Variants in TMTC2 observed in about 807,000 individuals in gnomAD.
TMTC2 encodes transmembrane O-mannosyltransferase targeting cadherins 2.
TMTC2 carries 43 observed loss-of-function variants against 82.4 expected under a neutral mutation model. The ratio of observed to expected loss-of-function variants is 0.52; its 90% CI spans 0.41 to 0.67. The LOEUF is 0.67. TMTC2 is among the 30% of genes least tolerant of loss of function. The probability of loss-of-function intolerance (pLI) is 0.00; values close to 1 mark genes in which losing one functional copy is unlikely to be tolerated. For missense variants in TMTC2, 919 were observed against 1,012.4 expected (o/e 0.91, Z 1.25); for synonymous variants, 408 against 381.9 (o/e 1.07, Z -0.80).
intron 11 of TMTC2, among the ~76,000 whole-genome samples, chr12:83,118,230 G>A (rs187021310): frequency 1.3e-5 from 2 of 152,166 alleles, no homozygotes; most frequent in Non-Finnish European, 2.9e-5. Context: ...GTGAGAGTTG[G>A]TGTCCTTGTC....
intron 11 of TMTC2, among the ~76,000 whole-genome samples, chr12:83,105,314 G>A (rs1385266603): frequency 6.6e-6 from 1 of 152,050 alleles, no homozygotes; most frequent in East Asian, 1.9e-4. Flanking sequence ...CTTTATAGCA[G>A]TGCCCCATTC....
intron 7 of TMTC2, among the ~76,000 whole-genome samples, chr12:82,973,117 C>A (rs1437874653): frequency 6.6e-6 from 1 of 152,156 alleles, no homozygotes; most frequent in Non-Finnish European, 1.5e-5. Flanking sequence ...AGCATTAACA[C>A]TCCAGTAGCG....
intron 2 of TMTC2, among the ~76,000 whole-genome samples, chr12:82,865,400 A>G (rs1321774029): frequency 6.6e-6 from 1 of 152,228 alleles, no homozygotes; most frequent in African/African-American, 2.4e-5. Flanking sequence ...AACAAAGATC[A>G]AAAGAGACAA....
chr12:83,060,956 G>A (rs1460307137), intron 10 of TMTC2, among the ~76,000 whole-genome samples: 2 of 151,752 alleles, frequency 1.3e-5, no homozygotes, highest in Non-Finnish European at 2.9e-5. Context: ...GAAACTGACT[G>A]TAGCTATTTG....
chr12:82,912,198 G>T (rs1227916363), intron 3 of TMTC2, among the ~76,000 whole-genome samples: 1 of 152,170 alleles, frequency 6.6e-6, no homozygotes, highest in Non-Finnish European at 1.5e-5. Flanking sequence ...GACATTTTAA[G>T]TGTAGAAAGA....
chr12:82,802,245 G>A (rs968817063), intron 1 of TMTC2, among the ~76,000 whole-genome samples: 5 of 152,172 alleles, frequency 3.3e-5, no homozygotes, highest in African/African-American at 7.2e-5. Context: ...TGCTGGGGGC[G>A]GCAGGGCCCG....
chr12:83,118,412 G>A (rs182933480), intron 11 of TMTC2, among the ~76,000 whole-genome samples: 38 of 152,202 alleles, frequency 2.5e-4, no homozygotes, highest in African/African-American at 8.4e-4. Context: ...TGCTTTTTCG[G>A]CATCTATTAA....
Position 83,004,722 on chromosome 12 carries a change from A to ATTTTTTTTTTTTTTTTTT in TMTC2, c.2070+18704_2070+18721dup, listed in dbSNP as rs528076999. Among the ~76,000 whole-genome samples, 8 of 36,032 alleles carry ATTTTTTTTTTTTTTTTTT rather than the reference A, an allele frequency of 2.2e-4. 3 individuals are homozygous for ATTTTTTTTTTTTTTTTTT. Among genetic ancestry groups the ATTTTTTTTTTTTTTTTTT allele is most frequent in the Non-Finnish European group, 4.2e-4 (8 of 18,964 alleles). 23.6% of individuals were successfully genotyped at this position (36,032 alleles called of 152,430 possible). On this transcript the variant is annotated intron_variant, in intron 8 of 11. Transcript: ENST00000321196. ...TTCACAGGCAGTGTATACTGGCCGA[A>ATTTTTTTTTTTTTTTTTT]TTTTTTTTTTTTTTTTTTTTTTTTT...
chr12:82,992,241 A>G (rs1879433807), intron 8 of TMTC2, among the ~76,000 whole-genome samples: 1 of 152,134 alleles, frequency 6.6e-6, no homozygotes, highest in African/African-American at 2.4e-5. Flanking sequence ...GCCTTTTGCT[A>G]TTATTATTTA....
At chr12:83,001,835 A>C (rs769733796) in intron 8 of TMTC2, among the ~76,000 whole-genome samples, 3 of 152,020 alleles carry the variant, frequency 2.0e-5, no homozygotes, top group Admixed American at 6.5e-5. Context: ...CCTCAGCCTT[A>C]ATTTCATTAT....
intron 8 of TMTC2, among the ~76,000 whole-genome samples, chr12:83,020,413 GTCTGAAAA>G (rs1231317228): frequency 6.6e-6 from 1 of 152,118 alleles, no homozygotes; most frequent in Non-Finnish European, 1.5e-5. Flanking sequence ...TAATTCTAAA[GTCTGAAAA>G]CAGCATATTT....
At chr12:82,741,876 TC>T (rs1248569693) in intron 1 of TMTC2, among the ~76,000 whole-genome samples, 2 of 152,098 alleles carry the variant, frequency 1.3e-5, no homozygotes, top group African/African-American at 2.4e-5. Flanking sequence ...TCTTATTTGT[TC>T]CTGTGGCTGG....
chr12:82,903,573 A>G (rs975169270), intron 3 of TMTC2, among the ~76,000 whole-genome samples: 12 of 151,854 alleles, frequency 7.9e-5, no homozygotes, highest in African/African-American at 2.2e-4. Context: ...CACCACGCCC[A>G]GCTAATTTTT....
At chr12:82,708,424 T>G (rs909884741) in intron 1 of TMTC2, among the ~76,000 whole-genome samples, 3 of 152,148 alleles carry the variant, frequency 2.0e-5, no homozygotes, top group African/African-American at 7.2e-5. Flanking sequence ...GCACTATCTG[T>G]GACTTTTGCA....
chr12:82,949,894 G>C (rs1877252735), intron 4 of TMTC2, among the ~76,000 whole-genome samples: 1 of 152,178 alleles, frequency 6.6e-6, no homozygotes, highest in South Asian at 2.1e-4. Flanking sequence ...TATTGGTTGT[G>C]ATGCATTTCT....
At chr12:82,819,917 G>A (rs994767626) in intron 1 of TMTC2, among the ~76,000 whole-genome samples, 4 of 152,122 alleles carry the variant, frequency 2.6e-5, no homozygotes, top group Non-Finnish European at 1.5e-5. Flanking sequence ...CAATCACAAG[G>A]TGAGGTCCCA....
At chr12:83,079,412 A>G (rs1417791724) in intron 11 of TMTC2, among the ~76,000 whole-genome samples, 1 of 152,190 alleles carries the variant, frequency 6.6e-6, no homozygotes, top group East Asian at 1.9e-4. Flanking sequence ...TTTTAAATAG[A>G]TAGTGCATTT....
chr12:82,785,850 T>G (rs1878154528), intron 1 of TMTC2, among the ~76,000 whole-genome samples: 1 of 152,144 alleles, frequency 6.6e-6, no homozygotes, highest in South Asian at 2.1e-4. Context: ...TCTGCAGATA[T>G]TTGTTAAATA....
At chr12:83,004,722 ATTTTTTTTTTTTTTTTTTTTTTTTTTTTT>A (rs528076999) in intron 8 of TMTC2, among the ~76,000 whole-genome samples, 69 of 36,038 alleles carry the variant, frequency 1.9e-3, no homozygotes, top group African/African-American at 5.0e-3. Context: ...TACTGGCCGA[ATTTTTTTTTTTTTTTTTTTTTTTTTTTTT>A]TTTTTTTTTT....
Sources: gnomAD v4.1 joint callset for allele counts (sites outside exome capture counted in the v4.1 genomes callset) on GRCh38, gnomAD v4.1.1 for gene constraint, MANE v1.5 for transcripts, NCBI Gene and HGNC (gene_info 2026-07-23, HGNC 2026-07-21) for gene names.